FSIP1: variants seen among roughly 807,000 people sequenced by gnomAD.
The protein encoded by FSIP1 is fibrous sheath interacting protein 1, also known as fibrous sheath-interacting protein 1.
FSIP1 carries 65 observed loss-of-function variants against 60.9 expected under a neutral mutation model. The observed-to-expected ratio is 1.07, with a 90% CI of 0.87 to 1.31. FSIP1 has a LOEUF of 1.31. FSIP1 is among the 40% of genes most tolerant of loss of function. FSIP1 has a pLI of 0.00. For synonymous variants in FSIP1, 209 were observed against 221.2 expected, an observed-to-expected ratio of 0.94 and a Z score of 0.49; for missense variants, 675 against 665.5, an observed-to-expected ratio of 1.01 and a Z score of -0.16.
chr15:39,599,665 A>G (rs1207294850), downstream of FSIP1, among the ~76,000 whole-genome samples: 1 of 151,916 alleles, frequency 6.6e-6, no homozygotes. Context: ...CCCCACAACA[A>G]ATTCTCACCC....
chr15:39,636,360 G>C (rs1409134173), intron 10 of FSIP1, among the ~76,000 whole-genome samples: 3 of 152,174 alleles, frequency 2.0e-5, no homozygotes, highest in Non-Finnish European at 4.4e-5. Context: ...AATTGGGAAA[G>C]TCTTGCAACT....
chr15:39,659,627 T>A (rs56163516), intron 10 of FSIP1, among the ~76,000 whole-genome samples: 105,411 of 137,584 alleles, frequency 0.77, 41,310 homozygotes, highest in Non-Finnish European at 0.88. Flanking sequence ...GCTGTTATTT[T>A]AAAAAAAAAA....
intron 2 of FSIP1, among the ~76,000 whole-genome samples, chr15:39,775,131 T>A (rs1490708257): frequency 1.3e-5 from 2 of 152,212 alleles, no homozygotes; most frequent in African/African-American, 4.8e-5. Context: ...TCCTCTTGCC[T>A]CAGCCTCCCA....
intron 5 of FSIP1, among the ~76,000 whole-genome samples, chr15:39,759,178 A>G (rs113218488): frequency 0.061 from 9,322 of 152,148 alleles, 422 homozygotes; most frequent in Non-Finnish European, 0.096. Flanking sequence ...CTAGAGCAAG[A>G]AATGTCACAA....
At chr15:39,764,339 C>G (rs1897608359) in intron 4 of FSIP1, among the ~76,000 whole-genome samples, 1 of 152,172 alleles carries the variant, frequency 6.6e-6, no homozygotes, top group Non-Finnish European at 1.5e-5. Flanking sequence ...CTAACTTTTT[C>G]TGCTAAAATT....
At chr15:39,652,131 T>C (rs1184397224) in intron 10 of FSIP1, among the ~76,000 whole-genome samples, 1 of 152,206 alleles carries the variant, frequency 6.6e-6, no homozygotes, top group Non-Finnish European at 1.5e-5. Context: ...ATAGATGACC[T>C]CCATAGTTCC....
At chr15:39,668,507 G>C (rs542554316) in intron 10 of FSIP1, among the ~76,000 whole-genome samples, 2 of 152,312 alleles carry the variant, frequency 1.3e-5, no homozygotes, top group South Asian at 4.1e-4. Context: ...TTTGCAGCTT[G>C]ACTTCTTTTG....
At chr15:39,750,844 A>G (rs1327094762) in intron 5 of FSIP1, among the ~76,000 whole-genome samples, 2 of 151,956 alleles carry the variant, frequency 1.3e-5, no homozygotes, top group Non-Finnish European at 2.9e-5. Context: ...AATAAAAGAA[A>G]AAAACCTACA....
At chr15:39,636,536 G>A (rs970427401) in intron 10 of FSIP1, among the ~76,000 whole-genome samples, 11 of 152,116 alleles carry the variant, frequency 7.2e-5, no homozygotes, top group Non-Finnish European at 1.3e-4. Flanking sequence ...ATCAAGACAC[G>A]AATAGCCTCA....
At chr15:39,621,161 C>A (rs1289597312) in intron 10 of FSIP1, among the ~76,000 whole-genome samples, 1 of 151,840 alleles carries the variant, frequency 6.6e-6, no homozygotes, top group Non-Finnish European at 1.5e-5. Flanking sequence ...TTACTGGGGT[C>A]TTGGGGAGGG....
intron 10 of FSIP1, among the ~76,000 whole-genome samples, chr15:39,657,811 G>A (rs1489166948): frequency 6.6e-6 from 1 of 152,124 alleles, no homozygotes; most frequent in Admixed American, 6.5e-5. Context: ...AGCCCGCAAT[G>A]TGGACTGATG....
At chr15:39,779,037 CA>C (rs1412863778) in intron 1 of FSIP1, among the ~76,000 whole-genome samples, 2 of 151,952 alleles carry the variant, frequency 1.3e-5, no homozygotes, top group African/African-American at 4.8e-5. Flanking sequence ...GAATCTCAAA[CA>C]TGAAAAAGAA....
chr15:39,647,063 CA>C (rs34062943), intron 10 of FSIP1, among the ~76,000 whole-genome samples: 35,718 of 151,766 alleles, frequency 0.24, 4,863 homozygotes, highest in Non-Finnish European at 0.31. Flanking sequence ...TGGTTGTTAC[CA>C]GGGGTGATAG....
chr15:39,663,882 C>A (rs146188874), intron 10 of FSIP1, among the ~76,000 whole-genome samples: 2 of 152,258 alleles, frequency 1.3e-5, no homozygotes, highest in Non-Finnish European at 2.9e-5. Flanking sequence ...GAATTTCATG[C>A]AGATAGATAT....
At chr15:39,732,431 C>T (rs1424154650) in intron 8 of FSIP1, among the ~76,000 whole-genome samples, 1 of 152,062 alleles carries the variant, frequency 6.6e-6, no homozygotes, top group African/African-American at 2.4e-5. Context: ...ACCAGCCTGG[C>T]CAACATGGTG....
At chr15:39,777,615 A>C (rs1898107168) in intron 1 of FSIP1, among the ~76,000 whole-genome samples, 2 of 152,300 alleles carry the variant, frequency 1.3e-5, no homozygotes, top group Admixed American at 1.3e-4. Flanking sequence ...TGATCCTTCC[A>C]AACTGTGTGG....
chr15:39,776,852 G>A lies in FSIP1; in HGVS notation c.-7-321C>T, dbSNP rs1187005941. 3.3e-5 allele frequency among the ~76,000 whole-genome samples: 5 copies of A among 152,124 alleles called. No homozygotes were observed. The South Asian group carries it at 6.2e-4, about 19-fold the overall frequency. ...CATTTACATGTCCCTGGTCTTCCCC[G>A]AGGGAACACTCAGGGGCACCCGTCT... On this transcript the variant is annotated intron_variant, in intron 1 of 11. Transcript: ENST00000350221.
In FSIP1 at chr15:39,698,191, G is replaced by GTATATA. The variant is rs3065120; in HGVS notation, c.1188+15247_1188+15252dup. Among the ~76,000 whole-genome samples the GTATATA allele has an allele frequency of 3.5e-3, 517 of 146,920 alleles. 7 individuals are homozygous for GTATATA. Among genetic ancestry groups the GTATATA allele is most frequent in the African/African-American group, 0.012 (489 of 40,448 alleles). ...TATATATATATATAAAATATTAATT[G>GTATATA]TATATATATATAATATACAATTAAT... On this transcript the variant is annotated intron_variant, in intron 10 of 11. Transcript: ENST00000350221.
intron 11 of FSIP1, among the ~76,000 whole-genome samples, chr15:39,601,992 T>A (rs190395956): frequency 4.8e-4 from 73 of 152,294 alleles, no homozygotes; most frequent in Non-Finnish European, 5.3e-4. Flanking sequence ...TCTGTAAATA[T>A]ACTACAAACA....
Sources: allele counts gnomAD v4.1 joint callset (sites outside exome capture counted in the v4.1 genomes callset), GRCh38; gene constraint gnomAD v4.1.1; transcripts MANE v1.5; gene names NCBI Gene and HGNC (gene_info 2026-07-23, HGNC 2026-07-21).